Variants in COL27A1 observed in about 807,000 individuals in gnomAD.
COL27A1 encodes collagen alpha-1(XXVII) chain.
In COL27A1, 106 loss-of-function variants were observed where a neutral mutation model predicts 251.3. The observed-to-expected ratio is 0.42, with a 90% confidence interval of 0.36 to 0.50. The LOEUF is 0.50. Ranked by LOEUF, COL27A1 falls within the 20% of genes least tolerant of loss-of-function variation. COL27A1 has a pLI of 0.00. For synonymous variants in COL27A1, 1,000 were observed against 986.3 expected (o/e 1.01, Z -0.26); for missense variants, 2,325 against 2,522.8 (o/e 0.92, Z 1.68).
rs377121473 is a variant in COL27A1 at position 114,183,011 on chromosome 9, G to A, written c.1963-11G>A. On this transcript the variant is annotated splice_polypyrimidine_tract_variant and intron_variant, in intron 4 of 60. Transcript: ENST00000356083. ...TCACCTTTTTTTGTTTTTGTTCCTT[G>A]TCTCTTTCAGGGTCCTCCTGGGCCT... 1.9e-6 allele frequency: 3 copies of A among 1,612,426 alleles called. No homozygotes were observed. Among genetic ancestry groups the A allele is most frequent in the African/African-American group, 1.3e-5 (1 of 74,820 alleles).
intron 5 of COL27A1, 21 bp from the exon 6 acceptor site, chr9:114,194,383 G>A (rs773333466): frequency 3.1e-6 from 5 of 1,613,242 alleles, no homozygotes; most frequent in Non-Finnish European, 4.2e-6. Context: ...GGTGGCCAAA[G>A]TGGAATTGTT....
intron 5 of COL27A1, among the ~76,000 whole-genome samples, chr9:114,193,690 G>A (rs1828905589): frequency 6.6e-6 from 1 of 152,172 alleles, no homozygotes; most frequent in Admixed American, 6.5e-5. Flanking sequence ...AGTGCCAACT[G>A]TGAAGGGCTG....
chr9:114,156,044 A>G (rs1391662248), intron 1 of COL27A1, 32 bp downstream of exon 1: 12 of 1,293,872 alleles, frequency 9.3e-6, no homozygotes, highest in Non-Finnish European at 1.2e-5. Context: ...CCCCCTCCCT[A>G]GCTTCCTGCT....
chr9:114,272,489 C>T lies in COL27A1; in HGVS notation c.3609+1708C>T, dbSNP rs185022400. On this transcript the variant is annotated intron_variant, in intron 36 of 60. Coordinates refer to ENST00000356083, the MANE Select transcript of COL27A1 (RefSeq NM_032888.4). ...GTCTTTACATGAATCCCAGGAGAGA[C>T]CCATTTTCTTAAGGTGTTTGTCCAG... 197 of 152,294 alleles carry T rather than the reference C, an allele frequency of 1.3e-3. 2 individuals are homozygous for T. The highest frequency in any genetic ancestry group is 4.4e-3 in the African/African-American group (184 of 41,552). 9.4% of individuals were successfully genotyped at this position (152,294 alleles called of 1,614,324 possible).
intron 56 of COL27A1, among the ~76,000 whole-genome samples, chr9:114,302,792 A>G (rs1031941700): frequency 1.3e-5 from 2 of 150,806 alleles, no homozygotes; most frequent in African/African-American, 2.4e-5. Context: ...ATTCTTCCCT[A>G]TTGGCCACTG....
intron 34 of COL27A1, 74 bp downstream of exon 34, chr9:114,267,631 G>C: frequency 7.3e-7 from 1 of 1,366,358 alleles, no homozygotes; most frequent in South Asian, 1.3e-5. Flanking sequence ...TCCTCTCCAT[G>C]GAAGAGAAAT....
intron 60 of COL27A1, 82 bp from the exon 61 acceptor site, chr9:114,310,467 G>T: frequency 6.6e-7 from 1 of 1,505,814 alleles, no homozygotes; most frequent in Admixed American, 1.7e-5. Flanking sequence ...AAAATTGTGA[G>T]GAAAGATGGA....
At chr9:114,242,321 G>T in intron 22 of COL27A1, 90 bp downstream of exon 22, 1 of 1,188,522 alleles carries the variant, frequency 8.4e-7, no homozygotes, top group Non-Finnish European at 1.2e-6. Flanking sequence ...TGCTCCAGAG[G>T]GAAGTCATCA....
chr9:114,258,639 G>T, intron 28 of COL27A1, 45 bp downstream of exon 28: 1 of 1,592,386 alleles, frequency 6.3e-7, no homozygotes, highest in Non-Finnish European at 8.6e-7. Context: ...GTGGGAGGGG[G>T]CACACTTGGA....
At chr9:114,305,148 G>T (rs1382933448) in intron 57 of COL27A1, among the ~76,000 whole-genome samples, 1 of 152,208 alleles carries the variant, frequency 6.6e-6, no homozygotes, top group Non-Finnish European at 1.5e-5. Context: ...TCCAGCCTCG[G>T]TCAGGAGCCC....
intron 37 of COL27A1, among the ~76,000 whole-genome samples, chr9:114,276,546 A>G (rs1355434006): frequency 6.6e-6 from 1 of 152,234 alleles, no homozygotes; most frequent in African/African-American, 2.4e-5. Flanking sequence ...CGGGGGTTGC[A>G]ATGAGCTGAG....
At chr9:114,175,043 T>TAGTGCCA (rs6151131) in intron 3 of COL27A1, among the ~76,000 whole-genome samples, 3 of 152,358 alleles carry the variant, frequency 2.0e-5, no homozygotes, top group South Asian at 2.1e-4. Context: ...TCTCATTGCT[T>TAGTGCCA]GGCAGGCAGA....
chr9:114,252,690 C>T lies in COL27A1; in HGVS notation c.3087+44C>T, dbSNP rs752571019. The T allele has an allele frequency of 1.9e-5, 30 of 1,566,612 alleles. No homozygotes were observed. The East Asian group carries it at 6.3e-4, about 33-fold the overall frequency. ...TCCTCTTGCCCTCTCCTGTTGCAGC[C>T]TTGAGTGACAGCTCTGCTCTCCTCC... On this transcript the variant is annotated intron_variant, in intron 26 of 60. Coordinates refer to ENST00000356083, the MANE Select transcript of COL27A1 (RefSeq NM_032888.4).
chr9:114,164,850 A>G (rs1252642572), intron 2 of COL27A1, among the ~76,000 whole-genome samples: 1 of 152,246 alleles, frequency 6.6e-6, no homozygotes, highest in Non-Finnish European at 1.5e-5. Flanking sequence ...AGGATGGGAA[A>G]GAGGAGTTTG....
chr9:114,175,778 G>A (rs1467555083), intron 3 of COL27A1, among the ~76,000 whole-genome samples: 8 of 152,190 alleles, frequency 5.3e-5, no homozygotes, highest in South Asian at 2.1e-4. Context: ...CTGCACCCAC[G>A]GAGCCTGTTC....
chr9:114,211,776 TC>T (rs1830385988), intron 12 of COL27A1, among the ~76,000 whole-genome samples: 1 of 152,106 alleles, frequency 6.6e-6, no homozygotes, highest in Admixed American at 6.5e-5. Flanking sequence ...AAAAATAGGT[TC>T]CCTAGACTCT....
At chr9:114,279,678 CAATTAAATT>C (rs1835783437) in intron 37 of COL27A1, among the ~76,000 whole-genome samples, 1 of 151,190 alleles carries the variant, frequency 6.6e-6, no homozygotes, top group African/African-American at 2.4e-5. Context: ...GTTTCTATAA[CAATTAAATT>C]AAATTAAATT....
chr9:114,205,244 C>A (rs566194784), intron 8 of COL27A1, 98 bp downstream of exon 8: 5 of 1,153,808 alleles, frequency 4.3e-6, no homozygotes, highest in Admixed American at 2.1e-5. Context: ...TGTGAGCCAG[C>A]CCCAGAGCCA....
At chr9:114,215,754 G>A (rs1385044788) in intron 12 of COL27A1, among the ~76,000 whole-genome samples, 1 of 152,198 alleles carries the variant, frequency 6.6e-6, no homozygotes, top group Non-Finnish European at 1.5e-5. Context: ...TTCTCCTAGA[G>A]GTTATTAAAT....
Sources: gnomAD v4.1 joint callset for allele counts (sites outside exome capture counted in the v4.1 genomes callset) on GRCh38, gnomAD v4.1.1 for gene constraint, MANE v1.5 for transcripts, NCBI Gene and HGNC (gene_info 2026-07-23, HGNC 2026-07-21) for gene names.